The following KCNAB1 variants were observed in gnomAD, a reference collection of about 807,000 sequenced individuals.
The protein encoded by KCNAB1 is potassium voltage-gated channel subfamily A regulatory beta subunit 1, also known as voltage-gated potassium channel subunit beta-1.
A neutral mutation model predicts 64.6 loss-of-function variants in KCNAB1; 35 were observed. The observed-to-expected ratio is 0.54, with a 90% CI of 0.41 to 0.72. KCNAB1 has a LOEUF of 0.72. KCNAB1 is among the 30% of genes least tolerant of loss of function. The pLI, the probability that KCNAB1 is intolerant of heterozygous loss-of-function variation, is 0.00. For synonymous variants in KCNAB1, 177 were observed against 183.8 expected, an observed-to-expected ratio of 0.96 and a Z score of 0.30; for missense variants, 401 against 512.9, an observed-to-expected ratio of 0.78 and a Z score of 2.11.
chr3:156,163,596 G>A (rs1716205113), intron 1 of KCNAB1, among the ~76,000 whole-genome samples: 1 of 152,176 alleles, frequency 6.6e-6, no homozygotes, highest in Non-Finnish European at 1.5e-5. Context: ...ATGCTTTTCT[G>A]TATATTCAGC....
intron 1 of KCNAB1, among the ~76,000 whole-genome samples, chr3:156,247,570 C>T (rs149213835): frequency 2.6e-5 from 4 of 151,986 alleles, no homozygotes; most frequent in Non-Finnish European, 5.9e-5. Context: ...TATTTTTTTG[C>T]GGGGGAGAGG....
intron 1 of KCNAB1, among the ~76,000 whole-genome samples, chr3:156,211,392 T>C (rs1714994015): frequency 6.6e-6 from 1 of 152,248 alleles, no homozygotes; most frequent in Admixed American, 6.5e-5. Flanking sequence ...GCATTAGTTT[T>C]AGATATATGG....
intron 1 of KCNAB1, among the ~76,000 whole-genome samples, chr3:156,390,370 T>C (rs1345865536): frequency 6.6e-6 from 1 of 152,220 alleles, no homozygotes; most frequent in East Asian, 1.9e-4. Context: ...CTACTTTTTT[T>C]TATGGCAACA....
intron 1 of KCNAB1, among the ~76,000 whole-genome samples, chr3:156,238,346 C>T (rs563382804): frequency 1.4e-5 from 2 of 145,640 alleles, no homozygotes; most frequent in African/African-American, 5.1e-5. Flanking sequence ...GGCGTGAACC[C>T]GGGAGGCGGA....
chr3:156,374,253 A>G (rs529577303), intron 1 of KCNAB1, among the ~76,000 whole-genome samples: 1 of 152,292 alleles, frequency 6.6e-6, no homozygotes, highest in South Asian at 2.1e-4. Flanking sequence ...AATAGGATGA[A>G]TTTACCTCAG....
At chr3:156,384,335 T>C (rs1342690419) in intron 1 of KCNAB1, among the ~76,000 whole-genome samples, 1 of 152,206 alleles carries the variant, frequency 6.6e-6, no homozygotes, top group African/African-American at 2.4e-5. Context: ...ACTCTTTGCC[T>C]GAATGTCCTT....
intron 2 of KCNAB1, among the ~76,000 whole-genome samples, chr3:156,449,737 T>C (rs763319724): frequency 3.3e-5 from 5 of 152,252 alleles, no homozygotes; most frequent in Non-Finnish European, 5.9e-5. Flanking sequence ...CTGATCTCAA[T>C]GTAGGAAAGT....
chr3:156,428,964 G>A (rs1196400516), intron 2 of KCNAB1, among the ~76,000 whole-genome samples: 1 of 152,130 alleles, frequency 6.6e-6, no homozygotes, highest in African/African-American at 2.4e-5. Context: ...TTCATGCTTC[G>A]TCCTTGAAGA....
chr3:156,391,593 C>A (rs1041967370), intron 1 of KCNAB1, among the ~76,000 whole-genome samples: 2 of 152,168 alleles, frequency 1.3e-5, no homozygotes, highest in Non-Finnish European at 2.9e-5. Context: ...GGGTTTAATA[C>A]CTCTACAAAA....
chr3:156,517,436 C>A (rs915522423), intron 11 of KCNAB1, among the ~76,000 whole-genome samples: 1 of 152,142 alleles, frequency 6.6e-6, no homozygotes. Context: ...TTACAAAAAA[C>A]AATTTTCCTA....
chr3:156,202,666 G>A (rs1714413111), intron 1 of KCNAB1, among the ~76,000 whole-genome samples: 1 of 152,026 alleles, frequency 6.6e-6, no homozygotes, highest in African/African-American at 2.4e-5. Flanking sequence ...ATTAATCATA[G>A]TTTTATTTAT....
At chr3:156,261,602 A>G (rs1490295002) in intron 1 of KCNAB1, among the ~76,000 whole-genome samples, 5 of 152,032 alleles carry the variant, frequency 3.3e-5, no homozygotes, top group African/African-American at 4.8e-5. Context: ...ATTAATCTAT[A>G]TACTTATCCT....
At chr3:156,404,579 T>A (rs1181692366) in intron 1 of KCNAB1, among the ~76,000 whole-genome samples, 1 of 152,176 alleles carries the variant, frequency 6.6e-6, no homozygotes, top group African/African-American at 2.4e-5. Flanking sequence ...TCACAAGTAC[T>A]TTTTGTCAGA....
Position 156,272,627 on chromosome 3 carries a change from G to A in KCNAB1, c.276-148989G>A, listed in dbSNP as rs977027167. On this transcript the variant is annotated intron_variant, in intron 1 of 13. Transcript: ENST00000490337. ...GCAATGAGTTCTCCTCTGGCTCAGGGTAGGTTCAGAAATGCTTTCCAGGAG... is the reference window on the plus strand; with the variant it reads ...GCAATGAGTTCTCCTCTGGCTCAGGATAGGTTCAGAAATGCTTTCCAGGAG... Among the ~76,000 whole-genome samples the A allele has an allele frequency of 2.6e-5, 4 of 152,096 alleles. No homozygotes were observed. In the East Asian group the frequency reaches 7.7e-4, roughly 29 times the overall value.
chr3:156,276,282 C>T (rs1719342520), intron 1 of KCNAB1, among the ~76,000 whole-genome samples: 1 of 152,140 alleles, frequency 6.6e-6, no homozygotes, highest in African/African-American at 2.4e-5. Flanking sequence ...ATGTTGTAAA[C>T]AGATGTGCTG....
chr3:156,176,023 A>C lies in KCNAB1; in HGVS notation c.275+55137A>C, dbSNP rs1712346682. The C allele has an allele frequency of 3.7e-6, 3 of 818,224 alleles. No homozygotes were observed. In the South Asian group the frequency reaches 4.0e-5, roughly 11 times the overall value. The allele number at this position is 818,224 out of a possible 1,614,324, so 50.7% of individuals were successfully genotyped here. A position where few individuals can be genotyped will look rare whatever the true frequency, so the allele number is the denominator to read the frequency against. ...AAACCTGTCGGCTGTGCCAGGTGCT[A>C]TTTTGCTTCCATCAGGTGACCAAGA... On this transcript the variant is annotated intron_variant, in intron 1 of 13. Coordinates refer to ENST00000490337, the MANE Select transcript of KCNAB1 (RefSeq NM_172160.3).
At chr3:156,502,540 A>G (rs1464169049) in intron 8 of KCNAB1, among the ~76,000 whole-genome samples, 1 of 48,390 alleles carries the variant, frequency 2.1e-5, no homozygotes, top group Non-Finnish European at 5.2e-5. Flanking sequence ...AACCACACAC[A>G]CACACACACA....
chr3:156,292,204 GAA>G (rs1720485277), intron 1 of KCNAB1: 1 of 1,521,432 alleles, frequency 6.6e-7, no homozygotes, highest in South Asian at 1.2e-5. Context: ...CATCGGTTTT[GAA>G]AAGTGATTTA....
intron 2 of KCNAB1, among the ~76,000 whole-genome samples, chr3:156,428,055 C>T (rs1715940292): frequency 6.6e-6 from 1 of 152,182 alleles, no homozygotes; most frequent in African/African-American, 2.4e-5. Context: ...AAAGGCACAT[C>T]ATGGTTAATT....
Sources: allele counts gnomAD v4.1 joint callset (sites outside exome capture counted in the v4.1 genomes callset), GRCh38; gene constraint gnomAD v4.1.1; transcripts MANE v1.5; gene names NCBI Gene and HGNC (gene_info 2026-07-23, HGNC 2026-07-21).